SALL2: variants seen among roughly 807,000 people sequenced by gnomAD.
SALL2 encodes the protein sal-like protein 2.
Under a neutral mutation model 58.5 loss-of-function variants are expected in SALL2, and 32 were observed. That is an observed-to-expected ratio of 0.55 (90% confidence interval 0.41 to 0.74). The LOEUF (loss-of-function observed/expected upper bound fraction) is 0.74. Ranked by LOEUF, SALL2 falls within the 30% of genes least tolerant of loss-of-function variation. The pLI is 0.00. For missense variants in SALL2, 1,201 were observed against 1,268.9 expected (o/e 0.95, Z 0.81); for synonymous variants, 516 against 513.6 (o/e 1.00, Z -0.06).
Position 21,525,484 on chromosome 14 carries a change from G to A in SALL2, c.238C>T (p.Arg80Trp), listed in dbSNP as rs1228310320. 1.9e-6 allele frequency: 3 copies of A among 1,613,896 alleles called. No individual in the cohort carries two copies. The highest frequency in any genetic ancestry group is 2.2e-5 in the East Asian group (1 of 44,856). ...TGAGGATTATTGTGACCCTCAGGCCGGGGTTCAGAGGAGGCCGAAGAGTTG... is the reference window on the plus strand; with the variant it reads ...TGAGGATTATTGTGACCCTCAGGCCAGGGTTCAGAGGAGGCCGAAGAGTTG... Reference protein sequence around the residue: ...PNNSSASSEPRPEGHNNPQVM... With the variant: ...PNNSSASSEPWPEGHNNPQVM... Residue 80 changes from arginine to tryptophan, a missense_variant, in exon 2 of 2, where the codon CGG becomes TGG. Physicochemically the swap from Arg to Trp is moderately radical, Grantham distance 101. This residue lies in a region of SALL2 where 467 missense variants were observed against 468.9 expected (regional missense o/e 1.00). Transcript: ENST00000537235. This position sits in a 1 kb window ranked among gnomAD's most constrained non-coding sequence, Gnocchi z 4.4.
At chr14:21,536,599 C>T (rs1892603700) in intron 1 of SALL2, among the ~76,000 whole-genome samples, 1 of 152,196 alleles carries the variant, frequency 6.6e-6, no homozygotes, top group South Asian at 2.1e-4. Flanking sequence ...GGAGACAGAG[C>T]CAGTTTGAAA....
In SALL2 at chr14:21,537,015, T is replaced by C. The variant is rs142128455; in HGVS notation, c.-167A>G. The C allele has an allele frequency of 1.1e-3, 1,040 of 964,078 alleles. 2 individuals are homozygous for C. The highest frequency in any genetic ancestry group is 0.01 in the African/African-American group (630 of 62,704). The allele number at this position is 964,078 out of a possible 1,614,324, so 59.7% of individuals were successfully genotyped here. ...GTCTCCCCCTTGGGTCCGAAGCCAATTGATGCCTCTCCCCCAGCGCAAATC... is the reference window on the plus strand; with the variant it reads ...GTCTCCCCCTTGGGTCCGAAGCCAACTGATGCCTCTCCCCCAGCGCAAATC... On this transcript the variant is annotated 5_prime_UTR_variant, in exon 1 of 2. Transcript: ENST00000541965.
At chr14:21,530,245 A>G (rs1395502999), upstream of SALL2, among the ~76,000 whole-genome samples, 1 of 143,398 alleles carries the variant, frequency 7.0e-6, no homozygotes, top group Non-Finnish European at 1.5e-5. Context: ...TTTCTTTTTT[A>G]ATTGATATTT....
rs531378861 is a variant in SALL2 at position 21,526,286 on chromosome 14, G to C, written c.-159C>G. The stretch of plus-strand genomic sequence containing the variant: ...GCGGGGGCAGGGAGCAGCGGCGGAG[G>C]GGGAGGGGAGCGAGGAGGCGGGGAG... On this transcript the variant is annotated 5_prime_UTR_variant, in exon 1 of 2. Coordinates refer to ENST00000537235, the MANE Select transcript of SALL2 (RefSeq NM_001364564.1). The C allele has an allele frequency of 1.7e-4, 243 of 1,439,624 alleles. No individual in the cohort carries two copies. The highest frequency in any genetic ancestry group is 2.1e-4 in the Non-Finnish European group (232 of 1,100,980). The allele number at this position is 1,439,624 out of a possible 1,614,324, so 89.2% of individuals were successfully genotyped here. A position where few individuals can be genotyped will look rare whatever the true frequency, so the allele number is the denominator to read the frequency against.
Position 21,522,774 on chromosome 14 carries a change from C to A in SALL2, c.2948G>T (p.Gly983Val). 6.3e-7 allele frequency: 1 copy of A among 1,583,904 alleles called. No homozygotes were observed. ...QNIAALSLVP[G>V]CSPSITSTGL... ...TGTGGAGGTGATGGAAGGCGAACAGCCAGGGACTAGAGAAAGAGCAGCAAT... is the reference window on the plus strand; with the variant it reads ...TGTGGAGGTGATGGAAGGCGAACAGACAGGGACTAGAGAAAGAGCAGCAAT... The change falls in exon 2 of 2, where the codon GGC (glycine) becomes GTC (valine). Residue 983 changes from glycine (G) to valine (V), a missense_variant. Gly to Val is a moderately radical substitution (Grantham distance 109). Coordinates refer to ENST00000537235, the MANE Select transcript of SALL2 (RefSeq NM_001364564.1).
chr14:21,531,564 G>A (rs993996646), intron 1 of SALL2, among the ~76,000 whole-genome samples: 4 of 151,080 alleles, frequency 2.6e-5, no homozygotes, highest in Admixed American at 6.6e-5. Context: ...GTGCCACCAC[G>A]CCCGGCTAAT....
chr14:21,525,922 G>T lies in SALL2; in HGVS notation c.67+139C>A. On this transcript the variant is annotated intron_variant, in intron 1 of 1. Coordinates refer to ENST00000537235, the MANE Select transcript of SALL2 (RefSeq NM_001364564.1). The surrounding 1 kb of genome is among the most constrained non-coding windows in gnomAD (Gnocchi z 4.4). Reference sequence around the variant, plus strand: ...CCACCCTCCCTTCCCCAGGCCACAAGCGAGTTCACGGAATAGGTGTGGGGA... The same window carrying T: ...CCACCCTCCCTTCCCCAGGCCACAATCGAGTTCACGGAATAGGTGTGGGGA... 1.1e-6 allele frequency: 1 copy of T among 899,410 alleles called. No individual in the cohort carries two copies. The highest frequency in any genetic ancestry group is 1.7e-6 in the Non-Finnish European group (1 of 580,944). The allele number at this position is 899,410 out of a possible 1,614,324, so 55.7% of individuals were successfully genotyped here.
intron 1 of SALL2, among the ~76,000 whole-genome samples, chr14:21,532,901 C>T (rs890017989): frequency 2.0e-5 from 3 of 150,776 alleles, no homozygotes; most frequent in Non-Finnish European, 3.0e-5. Context: ...AGGCGGAGCT[C>T]GCAGTGAGCC....
Position 21,522,891 on chromosome 14 carries a change from C to T in SALL2, c.2831G>A (p.Arg944Lys). 10 of 1,612,084 alleles carry T rather than the reference C, an allele frequency of 6.2e-6. No individual in the cohort carries two copies. Among genetic ancestry groups the T allele is most frequent in the Non-Finnish European group, 8.5e-6 (10 of 1,178,910 alleles). Residue 944 changes from arginine (R) to lysine (K), a missense_variant, in exon 2 of 2, where the codon AGG (arginine) becomes AAG (lysine). Arg to Lys is a conservative substitution (Grantham distance 26). Coordinates refer to ENST00000537235, the MANE Select transcript of SALL2 (RefSeq NM_001364564.1). Reference sequence around the variant, plus strand: ...GGTAGCCCGCTCAAGAAAGCCCTGCCTGCAGAAAACACAAGTGAAGAGCGG... The same window carrying T: ...GGTAGCCCGCTCAAGAAAGCCCTGCTTGCAGAAAACACAAGTGAAGAGCGG... ...EGPLFTCVFC[R>K]QGFLERATLK...
chr14:21,523,615 T>C lies in SALL2; in HGVS notation c.2107A>G (p.Thr703Ala), dbSNP rs1892146122. 2.5e-6 allele frequency: 4 copies of C among 1,614,154 alleles called. No individual in the cohort carries two copies. Among genetic ancestry groups the C allele is most frequent in the Non-Finnish European group, 3.4e-6 (4 of 1,180,020 alleles). Residue 703 changes from threonine (T) to alanine (A), a missense_variant, in exon 2 of 2, where the codon ACT becomes GCT. This residue lies in a region of SALL2 where 675 missense variants were observed against 683.8 expected (regional missense o/e 0.99). Coordinates refer to ENST00000537235, the MANE Select transcript of SALL2 (RefSeq NM_001364564.1). The surrounding 1 kb of genome is among the most constrained non-coding windows in gnomAD (Gnocchi z 4.4). ...ICQKKFTNAV[T>A]LQQHVRMHLG... ...TGCATCCGGACATGCTGCTGCAGAG[T>C]GACAGCATTGGTGAACTTCTTCTGG... is the stretch of plus-strand genomic sequence containing the variant.
rs1892082021 is a variant in SALL2 at position 21,522,629 on chromosome 14, A to G, written c.*75T>C. 3 of 1,490,790 alleles carry G rather than the reference A, an allele frequency of 2.0e-6. No homozygotes were observed. Among genetic ancestry groups the G allele is most frequent in the East Asian group, 4.6e-5 (2 of 43,030 alleles). The allele number at this position is 1,490,790 out of a possible 1,614,324, so 92.3% of individuals were successfully genotyped here. A position where few individuals can be genotyped will look rare whatever the true frequency, so the allele number is the denominator to read the frequency against. ...AGAGAAAAAGACAAAATCAGGGCTC[A>G]TAACTCTGGGAGGTCCTTTTGTGAA... On this transcript the variant is annotated 3_prime_UTR_variant, in exon 2 of 2. Coordinates refer to ENST00000537235, the MANE Select transcript of SALL2 (RefSeq NM_001364564.1).
intron 1 of SALL2, among the ~76,000 whole-genome samples, chr14:21,531,887 AC>A (rs1449716046): frequency 6.0e-5 from 9 of 151,222 alleles, no homozygotes; most frequent in Admixed American, 5.9e-4. Flanking sequence ...GCGCCATCAC[AC>A]CCAGCTAATT....
upstream of SALL2, among the ~76,000 whole-genome samples, chr14:21,530,439 C>T (rs1391108335): frequency 6.6e-6 from 1 of 151,914 alleles, no homozygotes; most frequent in Non-Finnish European, 1.5e-5. Context: ...CAGGCATGTG[C>T]CACCAAGCCC....
intron 1 of SALL2, among the ~76,000 whole-genome samples, chr14:21,532,239 T>C (rs1471988306): frequency 1.3e-5 from 2 of 152,172 alleles, no homozygotes; most frequent in Non-Finnish European, 2.9e-5. Context: ...CCAAACATTA[T>C]ATGAGTCCAT....
chr14:21,530,625 A>AC (rs1278878615), upstream of SALL2, among the ~76,000 whole-genome samples: 14 of 152,026 alleles, frequency 9.2e-5, no homozygotes, highest in African/African-American at 2.7e-4. Context: ...GCTTTGTTCT[A>AC]CAGAGTTCAA....
rs562401711 is a variant in SALL2 at position 21,532,319 on chromosome 14, A to G, written c.-114+4643T>C. Among the ~76,000 whole-genome samples, 4 of 152,144 alleles carry G rather than the reference A, an allele frequency of 2.6e-5. No homozygotes were observed. The South Asian group carries it at 8.3e-4, about 32-fold the overall frequency. On this transcript the variant is annotated intron_variant, in intron 1 of 1. Transcript: ENST00000541965. Reference sequence around the variant, plus strand: ...AGGCTAACAGGGCTAAGGGAATGGGAGAATGGGGATTTATTGTTTAACGGT... The same window carrying G: ...AGGCTAACAGGGCTAAGGGAATGGGGGAATGGGGATTTATTGTTTAACGGT...
chr14:21,522,679 G>C lies in SALL2; in HGVS notation c.*25C>G, dbSNP rs753542230. The C allele has an allele frequency of 7.9e-6, 12 of 1,512,832 alleles. No individual in the cohort carries two copies. Among genetic ancestry groups the C allele is most frequent in the Non-Finnish European group, 1.1e-5 (12 of 1,131,722 alleles). The allele number at this position is 1,512,832 out of a possible 1,614,324, so 93.7% of individuals were successfully genotyped here. On this transcript the variant is annotated 3_prime_UTR_variant, in exon 2 of 2. Coordinates refer to ENST00000537235, the MANE Select transcript of SALL2 (RefSeq NM_001364564.1). ...AGCTGTTTCTGCTCTGTGGGACAAA[G>C]AGCAGCAGGTACAGAAAAACAGGCT...
At position 21,523,446 on chromosome 14, in the gene SALL2, T is replaced by C. The variant is rs770681862; in HGVS notation, c.2276A>G (p.Glu759Gly). 7.6e-5 allele frequency: 122 copies of C among 1,613,898 alleles called. 3 individuals carry two copies. In the Middle Eastern group the frequency reaches 1.2e-3, roughly 15 times the overall value. ...CTCCTCTTCCTCCTCCTCAGACAAC[T>C]CCTCTTCCGGTGATGGCTGCTGGGA... Reference protein sequence around the residue: ...QQSQQPSPEEELSEEEEEEDE... With the variant: ...QQSQQPSPEEGLSEEEEEEDE... Residue 759 changes from glutamate (E) to glycine (G), a missense_variant, in exon 2 of 2, where the codon GAG (glutamate) becomes GGG (glycine). Physicochemically the swap from Glu to Gly is moderately conservative, Grantham distance 98 (BLOSUM62 -2). This residue lies in a region of SALL2 where 675 missense variants were observed against 683.8 expected (regional missense o/e 0.99). Transcript: ENST00000537235. This position sits in a 1 kb window ranked among gnomAD's most constrained non-coding sequence, Gnocchi z 4.4.
rs768740096 is a variant in SALL2, at chr14:21,525,602, T to C, written c.120A>G (p.Gln40=). 1.2e-5 allele frequency: 20 copies of C among 1,609,192 alleles called. No individual in the cohort carries two copies. The highest frequency in any genetic ancestry group is 1.7e-5 in the Non-Finnish European group (20 of 1,177,456). Residue 40 remains glutamine (Q), a synonymous_variant, in exon 2 of 2, where the codon CAA becomes CAG. Transcript: ENST00000537235. This position sits in a 1 kb window ranked among gnomAD's most constrained non-coding sequence, Gnocchi z 4.4. ...CGAGGAATTCAGTTGGGTCAGTGAA[T>C]TGTGCGCAGCACTTGGCACAGACTT... ...HPQVCAKCCA[Q]FTDPTEFLAH... is the part of the protein sequence containing the mutation.
Sources: gnomAD v4.1 joint callset for allele counts (sites outside exome capture counted in the v4.1 genomes callset) on GRCh38, gnomAD v4.1.1 for gene constraint, gnomAD v4.1.1 regional missense constraint, Gnocchi (gnomAD v3.1) non-coding constraint, MANE v1.5 for transcripts, NCBI Gene and HGNC (gene_info 2026-07-23, HGNC 2026-07-21) for gene names.